The following DIAPH2 variants were observed in gnomAD, a reference collection of about 807,000 sequenced individuals.
DIAPH2 encodes protein diaphanous homolog 2.
DIAPH2 carries 35 observed loss-of-function variants against 92.7 expected under a neutral mutation model. That is an observed-to-expected ratio of 0.38 (90% confidence interval 0.29 to 0.50). The LOEUF is 0.50. Among genes scored for constraint, DIAPH2 ranks in the 20% least tolerant of loss-of-function variants. The probability of loss-of-function intolerance (pLI) is 0.94; values close to 1 mark genes in which losing one functional copy is unlikely to be tolerated. For missense variants in DIAPH2, 701 were observed against 819.5 expected, an observed-to-expected ratio of 0.86 and a Z score of 1.77; for synonymous variants, 301 against 280.4, an observed-to-expected ratio of 1.07 and a Z score of -0.73.
intron 17 of DIAPH2, among the ~76,000 whole-genome samples, chrX:97,061,835 A>C (rs972517381): frequency 2.1e-5 from 2 of 95,403 alleles, no homozygotes; most frequent in Non-Finnish European, 4.2e-5. Context: ...AAAAAAAAAA[A>C]CGCTCATTTT....
chrX:97,079,501 G>A (rs1476817720), intron 19 of DIAPH2, among the ~76,000 whole-genome samples: 2 of 111,332 alleles, frequency 1.8e-5, no homozygotes, highest in South Asian at 3.8e-4. Flanking sequence ...CAGGCAAATC[G>A]GGTAGGGGAG....
At chrX:96,925,492 A>G (rs1409321531) in intron 9 of DIAPH2, among the ~76,000 whole-genome samples, 2 of 110,480 alleles carry the variant, frequency 1.8e-5, no homozygotes. Context: ...CTCCACCCTC[A>G]CTGCCATTTT....
At chrX:97,071,835 G>A (rs759160833) in intron 17 of DIAPH2, among the ~76,000 whole-genome samples, 6 of 111,494 alleles carry the variant, frequency 5.4e-5, no homozygotes, top group Middle Eastern at 4.6e-3. Context: ...CAAAGATTAG[G>A]TGAATTAAAA....
At chrX:97,158,425 C>T (rs189620659) in intron 22 of DIAPH2, among the ~76,000 whole-genome samples, 90 of 105,841 alleles carry the variant, frequency 8.5e-4, no homozygotes, top group Non-Finnish European at 1.3e-3. Context: ...TTCTATCACT[C>T]CTCGGCAGTG....
chrX:97,375,835 C>A (rs2069494945), intron 24 of DIAPH2, among the ~76,000 whole-genome samples: 1 of 111,218 alleles, frequency 9.0e-6, no homozygotes, highest in African/African-American at 3.3e-5. Context: ...TAGTGATATT[C>A]CAGCACAGCT....
At chrX:97,071,695 G>A (rs895298322) in intron 17 of DIAPH2, among the ~76,000 whole-genome samples, 47 of 111,738 alleles carry the variant, frequency 4.2e-4, no homozygotes, top group African/African-American at 1.5e-3. Context: ...GTATTTTGAT[G>A]AATTCTGTAG....
At chrX:97,144,219 C>G (rs976882259) in intron 22 of DIAPH2, among the ~76,000 whole-genome samples, 5 of 110,983 alleles carry the variant, frequency 4.5e-5, no homozygotes, top group African/African-American at 1.6e-4. Flanking sequence ...TTTCATGCTA[C>G]TTGCAGGGGC....
intron 26 of DIAPH2, among the ~76,000 whole-genome samples, chrX:97,441,148 G>T (rs2070252785): frequency 8.9e-6 from 1 of 111,764 alleles, no homozygotes; most frequent in Non-Finnish European, 1.9e-5. Context: ...GGGCGCAGTG[G>T]CTCACGCCTA....
chrX:96,970,633 T>A (rs1399130543), intron 17 of DIAPH2, among the ~76,000 whole-genome samples: 5 of 111,470 alleles, frequency 4.5e-5, no homozygotes. Context: ...GGCCTCTTTT[T>A]TTCTTTTTTA....
At chrX:97,390,417 G>A (rs1012741437) in intron 25 of DIAPH2, among the ~76,000 whole-genome samples, 6 of 109,563 alleles carry the variant, frequency 5.5e-5, no homozygotes, top group Non-Finnish European at 7.6e-5. Flanking sequence ...GTGTGGTTTC[G>A]CCATGTTGCC....
rs60721723 is a variant in DIAPH2 at position 97,112,765 on chromosome X, C to CTTTTTTT, written c.2350-1937_2350-1931dup. Among the ~76,000 whole-genome samples, 91 of 37,241 alleles carry CTTTTTTT rather than the reference C, an allele frequency of 2.4e-3. 1 individual carries two copies. Among genetic ancestry groups the CTTTTTTT allele is most frequent in the East Asian group, 3.5e-3 (3 of 860 alleles). 32.3% of individuals were successfully genotyped at this position (37,241 alleles called of 115,157 possible). Reference sequence around the variant, plus strand: ...CTTCCTTCCTTCTTTCCCTTTCTTTCTTTTTTTTTTTTTTTTTTTTTTTTT... The same window carrying CTTTTTTT: ...CTTCCTTCCTTCTTTCCCTTTCTTTCTTTTTTTTTTTTTTTTTTTTTTTTTTTTTTTT... On this transcript the variant is annotated intron_variant, in intron 20 of 26. Transcript: ENST00000324765.
chrX:96,957,631 A>G (rs772984759), intron 15 of DIAPH2, among the ~76,000 whole-genome samples, 197 bp from the exon 16 acceptor site: 2 of 111,552 alleles, frequency 1.8e-5, no homozygotes, highest in African/African-American at 3.3e-5. Context: ...CTTATAAAAA[A>G]TCTACACAGG....
chrX:97,563,207 G>A (rs1259261196), intron 26 of DIAPH2, among the ~76,000 whole-genome samples: 1 of 111,775 alleles, frequency 8.9e-6, no homozygotes, highest in Non-Finnish European at 1.9e-5. Context: ...ATAAACATTA[G>A]GCTCTTTAAA....
chrX:96,917,038 A>G (rs1173804474), intron 8 of DIAPH2, among the ~76,000 whole-genome samples: 1 of 111,641 alleles, frequency 9.0e-6, no homozygotes, highest in Non-Finnish European at 1.9e-5. Flanking sequence ...CACCTGTTAG[A>G]AAAAAACGGT....
At chrX:97,157,364 A>G (rs1437489462) in intron 22 of DIAPH2, among the ~76,000 whole-genome samples, 2 of 109,638 alleles carry the variant, frequency 1.8e-5, no homozygotes, top group African/African-American at 6.6e-5. Context: ...TGATTATAAT[A>G]ATATTTACTA....
chrX:97,024,811 G>T (rs1369074399), intron 17 of DIAPH2, among the ~76,000 whole-genome samples: 1 of 111,807 alleles, frequency 8.9e-6, no homozygotes, highest in Non-Finnish European at 1.9e-5. Flanking sequence ...GACCTGATCT[G>T]TTAAAAACAG....
At chrX:96,874,142 G>A (rs746695228) in intron 4 of DIAPH2, among the ~76,000 whole-genome samples, 1 of 111,409 alleles carries the variant, frequency 9.0e-6, no homozygotes, top group South Asian at 3.7e-4. Flanking sequence ...TATATTCATA[G>A]TTGAAAGAAG....
intron 17 of DIAPH2, among the ~76,000 whole-genome samples, chrX:97,035,620 C>A (rs1200523304): frequency 8.9e-6 from 1 of 111,825 alleles, no homozygotes; most frequent in Non-Finnish European, 1.9e-5. Flanking sequence ...AGAATATATA[C>A]CTCTAGCCAG....
chrX:97,056,296 G>T (rs192809542), intron 17 of DIAPH2, among the ~76,000 whole-genome samples: 1 of 111,276 alleles, frequency 9.0e-6, no homozygotes, highest in Non-Finnish European at 1.9e-5. Context: ...ATTCCTAAAG[G>T]TATTTTATGC....
Sources: allele counts gnomAD v4.1 joint callset (sites outside exome capture counted in the v4.1 genomes callset), GRCh38; gene constraint gnomAD v4.1.1; transcripts MANE v1.5; gene names NCBI Gene and HGNC (gene_info 2026-07-23, HGNC 2026-07-21).